Variants in DNAJC1 observed in about 807,000 individuals in gnomAD.
The protein encoded by DNAJC1 is dnaJ homolog subfamily C member 1.
DNAJC1 carries 58 observed loss-of-function variants against 76.6 expected under a neutral mutation model. The observed-to-expected ratio is 0.76, with a 90% CI of 0.61 to 0.94. The LOEUF (loss-of-function observed/expected upper bound fraction) is 0.94. Among genes scored for constraint, DNAJC1 ranks in the 40% least tolerant of loss-of-function variants. DNAJC1 has a pLI of 0.00. For synonymous variants in DNAJC1, 258 were observed against 267.9 expected (o/e 0.96, Z 0.36); for missense variants, 689 against 677.3 (o/e 1.02, Z -0.19).
At chr10:21,773,611 G>A (rs1204010148) in intron 9 of DNAJC1, among the ~76,000 whole-genome samples, 1 of 152,120 alleles carries the variant, frequency 6.6e-6, no homozygotes, top group African/African-American at 2.4e-5. Flanking sequence ...GTTAGATGGC[G>A]TGTTTTAGAA....
intron 1 of DNAJC1, among the ~76,000 whole-genome samples, chr10:21,980,085 A>T (rs1437872812): frequency 1.3e-5 from 2 of 152,000 alleles, no homozygotes; most frequent in Admixed American, 6.6e-5. Flanking sequence ...CTAACTTTAC[A>T]CTATTCTATA....
chr10:21,932,284 G>A (rs1357773547), intron 1 of DNAJC1, among the ~76,000 whole-genome samples: 3 of 152,160 alleles, frequency 2.0e-5, no homozygotes, highest in Non-Finnish European at 4.4e-5. Flanking sequence ...AGGCTGCAGT[G>A]AGCCACGATT....
intron 8 of DNAJC1, among the ~76,000 whole-genome samples, chr10:21,875,051 T>C (rs1273702932): frequency 6.6e-6 from 1 of 152,110 alleles, no homozygotes; most frequent in Non-Finnish European, 1.5e-5. Flanking sequence ...CGGCTATTTT[T>C]TGTGTTTGTA....
chr10:21,817,179 A>AG (rs1441597131), intron 8 of DNAJC1, among the ~76,000 whole-genome samples: 2 of 150,906 alleles, frequency 1.3e-5, no homozygotes, highest in Admixed American at 6.6e-5. Context: ...AAAAAAAAAA[A>AG]AAAATCAATA....
chr10:21,996,852 A>G (rs1441174956), intron 1 of DNAJC1, among the ~76,000 whole-genome samples: 1 of 152,192 alleles, frequency 6.6e-6, no homozygotes, highest in Non-Finnish European at 1.5e-5. Context: ...AAGAAAACTA[A>G]TTTTATGATA....
chr10:21,958,805 G>GA (rs934727869), intron 1 of DNAJC1, among the ~76,000 whole-genome samples: 21 of 150,842 alleles, frequency 1.4e-4, no homozygotes, highest in Non-Finnish European at 2.4e-4. Context: ...AGATTTGGCA[G>GA]AAAAAAAAAT....
intron 8 of DNAJC1, among the ~76,000 whole-genome samples, chr10:21,854,819 T>C (rs1391309006): frequency 2.0e-5 from 3 of 152,180 alleles, no homozygotes; most frequent in Non-Finnish European, 4.4e-5. Context: ...GTTTTAAAAA[T>C]TGATTGTAAA....
At chr10:21,984,114 G>C (rs1172616992) in intron 1 of DNAJC1, among the ~76,000 whole-genome samples, 1 of 151,850 alleles carries the variant, frequency 6.6e-6, no homozygotes, top group Admixed American at 6.6e-5. Context: ...ATCAAAAGTG[G>C]TTTTCTTCTA....
intron 1 of DNAJC1, among the ~76,000 whole-genome samples, chr10:21,988,102 A>G (rs568825684): frequency 7.9e-5 from 12 of 152,128 alleles, no homozygotes; most frequent in Admixed American, 1.3e-4. Flanking sequence ...ATTCTTTACT[A>G]TTTTACAGTA....
At chr10:22,000,475 A>G (rs996987086) in intron 1 of DNAJC1, among the ~76,000 whole-genome samples, 7 of 152,106 alleles carry the variant, frequency 4.6e-5, no homozygotes, top group Non-Finnish European at 1.0e-4. Flanking sequence ...CTGTTCTCCC[A>G]TTACTGTTTT....
At chr10:21,913,084 G>C (rs1836895077) in intron 6 of DNAJC1, among the ~76,000 whole-genome samples, 2 of 151,798 alleles carry the variant, frequency 1.3e-5, no homozygotes, top group Admixed American at 1.3e-4. Flanking sequence ...CATCCTGATG[G>C]GGGTGGGGAT....
At chr10:21,973,693 T>C (rs1218254920) in intron 1 of DNAJC1, among the ~76,000 whole-genome samples, 1 of 152,000 alleles carries the variant, frequency 6.6e-6, no homozygotes, top group Non-Finnish European at 1.5e-5. Flanking sequence ...AAAATTATTT[T>C]TGGTAATTAT....
intron 1 of DNAJC1, among the ~76,000 whole-genome samples, chr10:21,982,304 A>G (rs1385379070): frequency 6.6e-6 from 1 of 152,198 alleles, no homozygotes; most frequent in Non-Finnish European, 1.5e-5. Context: ...AACTCTTAGA[A>G]GAAAATATAT....
chr10:21,929,144 G>A lies in DNAJC1; in HGVS notation c.223-3C>T, dbSNP rs756615936. ...CTGATGTCTGCAGATGATGCATCCT[G>A]GAGGTGGTAGGGGGAGGGGAAAATA... On this transcript the variant is annotated splice_region_variant and splice_polypyrimidine_tract_variant and intron_variant, in intron 1 of 11. Coordinates refer to ENST00000376980, the MANE Select transcript of DNAJC1 (RefSeq NM_022365.4). 6.3e-7 allele frequency: 1 copy of A among 1,598,280 alleles called. No homozygotes were observed. Among genetic ancestry groups the A allele is most frequent in the Non-Finnish European group, 8.6e-7 (1 of 1,169,460 alleles).
At chr10:21,829,549 A>G (rs901585555) in intron 8 of DNAJC1, among the ~76,000 whole-genome samples, 23 of 151,470 alleles carry the variant, frequency 1.5e-4, no homozygotes, top group Admixed American at 4.6e-4. Context: ...ACGGGATTAA[A>G]CCATGTTGGC....
At position 21,877,142 on chromosome 10, in the gene DNAJC1, T is replaced by C. The variant is rs1836199860; in HGVS notation, c.978+5140A>G. ...TTTAAAAATTAGCCGGGTGTGGTGG[T>C]GTATGCTTGTGGTTTCAGGTACTCA... On this transcript the variant is annotated intron_variant, in intron 8 of 11. Transcript: ENST00000376980. Among the ~76,000 whole-genome samples the C allele has an allele frequency of 2.0e-5, 3 of 151,844 alleles. 1 individual carries two copies. Among genetic ancestry groups the C allele is most frequent in the Admixed American group, 2.0e-4 (3 of 15,228 alleles).
intron 8 of DNAJC1, among the ~76,000 whole-genome samples, chr10:21,866,161 T>C (rs1022110396): frequency 8.5e-6 from 1 of 116,960 alleles, no homozygotes; most frequent in Non-Finnish European, 1.8e-5. Flanking sequence ...AAAAAGTACA[T>C]AGACAAGAGG....
intron 1 of DNAJC1, among the ~76,000 whole-genome samples, chr10:21,946,902 A>C (rs1837514736): frequency 1.3e-5 from 2 of 152,254 alleles, no homozygotes; most frequent in Non-Finnish European, 1.5e-5. Flanking sequence ...GGAGGTGTTT[A>C]GGTCATGAGG....
intron 8 of DNAJC1, among the ~76,000 whole-genome samples, chr10:21,841,990 T>C (rs1036751561): frequency 3.3e-5 from 5 of 150,022 alleles, no homozygotes; most frequent in African/African-American, 1.2e-4. Flanking sequence ...AGCAAAGTAT[T>C]GCAAGGACAA....
Sources: allele counts gnomAD v4.1 joint callset (sites outside exome capture counted in the v4.1 genomes callset), GRCh38; gene constraint gnomAD v4.1.1; transcripts MANE v1.5; gene names NCBI Gene and HGNC (gene_info 2026-07-23, HGNC 2026-07-21).